PDE4B: variants seen among roughly 807,000 people sequenced by gnomAD.
PDE4B encodes 3',5'-cyclic-AMP phosphodiesterase 4B.
Under a neutral mutation model 82.2 loss-of-function variants are expected in PDE4B, and 20 were observed. The observed-to-expected ratio is 0.24, with a 90% CI of 0.17 to 0.35. The LOEUF (loss-of-function observed/expected upper bound fraction) is 0.35, where lower values mean the gene tolerates loss of function less well. PDE4B is among the 10% of genes least tolerant of loss of function. The pLI is 1.00. For synonymous variants in PDE4B, 320 were observed against 318.9 expected, an observed-to-expected ratio of 1.00 and a Z score of -0.04; for missense variants, 655 against 907.2, an observed-to-expected ratio of 0.72 and a Z score of 3.57.
chr1:65,842,449 A>T lies in PDE4B; in HGVS notation c.-71+49201A>T, dbSNP rs1646218238. ...GTATAATAAAACATGCAAACAACTA[A>T]AACATAGGACAACATATATTGTATC... On this transcript the variant is annotated intron_variant, in intron 1 of 16. Coordinates refer to ENST00000341517, the MANE Select transcript of PDE4B (RefSeq NM_002600.4). 2.6e-5 allele frequency among the ~76,000 whole-genome samples: 4 copies of T among 152,170 alleles called. No homozygotes were observed. In the East Asian group the frequency reaches 7.7e-4, roughly 29 times the overall value.
intron 7 of PDE4B, among the ~76,000 whole-genome samples, chr1:66,298,469 C>CT (rs1385235401): frequency 1.3e-5 from 2 of 152,136 alleles, no homozygotes; most frequent in Non-Finnish European, 2.9e-5. Context: ...TCTTTTACAT[C>CT]TTTAAGTTGA....
At chr1:65,992,791 C>T (rs138542591) in intron 3 of PDE4B, 532 of 1,432,054 alleles carry the variant, frequency 3.7e-4, no homozygotes, top group Non-Finnish European at 4.6e-4. Context: ...GTCACAGCTT[C>T]GTAAATTAAA....
intron 7 of PDE4B, among the ~76,000 whole-genome samples, chr1:66,282,274 T>C (rs1656354914): frequency 6.6e-6 from 1 of 152,226 alleles, no homozygotes. Context: ...GGTGGCAGTG[T>C]CTTCCTCTCT....
intron 1 of PDE4B, among the ~76,000 whole-genome samples, chr1:65,798,037 G>T (rs1035847835): frequency 6.6e-6 from 1 of 150,974 alleles, no homozygotes; most frequent in Non-Finnish European, 1.5e-5. Flanking sequence ...TTTATTTTTT[G>T]AGATGGAGTT....
At chr1:66,183,121 A>T (rs897129197) in intron 3 of PDE4B, among the ~76,000 whole-genome samples, 7 of 152,146 alleles carry the variant, frequency 4.6e-5, no homozygotes, top group African/African-American at 1.4e-4. Context: ...CCAGTTCCCA[A>T]CACCATTTCC....
intron 1 of PDE4B, among the ~76,000 whole-genome samples, chr1:65,876,318 A>G (rs199580875): frequency 6.6e-6 from 1 of 152,244 alleles, no homozygotes; most frequent in East Asian, 1.9e-4. Flanking sequence ...TATTGTCCCT[A>G]AAAAGTTGTC....
rs12565519 is a variant in PDE4B, at chr1:66,041,300, A to G, written c.281+122465A>G. Among the ~76,000 whole-genome samples the G allele has an allele frequency of 8.1e-3, 1,234 of 152,024 alleles. 7 individuals carry two copies. The highest frequency in any genetic ancestry group is 0.013 in the Non-Finnish European group (879 of 67,854). On this transcript the variant is annotated intron_variant, in intron 3 of 16. Transcript: ENST00000341517. ...TACCATCCAGTACTCAAAGATGTGC[A>G]AAAATGTTCCAGCATTTGCTCAATA... is the stretch of plus-strand genomic sequence containing the variant.
intron 3 of PDE4B, among the ~76,000 whole-genome samples, chr1:66,171,544 G>A (rs1350592472): frequency 2.0e-5 from 3 of 152,052 alleles, no homozygotes; most frequent in Admixed American, 1.3e-4. Context: ...ACTCTTTTTG[G>A]AGGTGAAGTG....
At chr1:65,970,775 A>G (rs1199725516) in intron 3 of PDE4B, among the ~76,000 whole-genome samples, 1 of 152,052 alleles carries the variant, frequency 6.6e-6, no homozygotes, top group East Asian at 1.9e-4. Context: ...AGAACATTGC[A>G]TCTATAACAA....
chr1:65,887,652 A>G (rs968387795), intron 1 of PDE4B, among the ~76,000 whole-genome samples: 3 of 151,570 alleles, frequency 2.0e-5, no homozygotes, highest in Middle Eastern at 3.4e-3. Context: ...TTCTGATCTC[A>G]AGCAATCCAC....
intron 3 of PDE4B, among the ~76,000 whole-genome samples, chr1:66,067,744 T>C (rs914719282): frequency 1.3e-4 from 20 of 152,142 alleles, no homozygotes; most frequent in South Asian, 6.2e-4. Context: ...TTTGGTGTTT[T>C]AGACATGAAG....
chr1:66,086,009 A>G (rs947881972), intron 3 of PDE4B, among the ~76,000 whole-genome samples: 11 of 152,130 alleles, frequency 7.2e-5, no homozygotes, highest in Non-Finnish European at 1.6e-4. Flanking sequence ...CTTCAATAAT[A>G]AAATGCTACC....
intron 3 of PDE4B, among the ~76,000 whole-genome samples, chr1:66,202,866 A>C (rs1422384822): frequency 6.6e-6 from 1 of 151,608 alleles, no homozygotes; most frequent in Non-Finnish European, 1.5e-5. Context: ...TAATATTGTT[A>C]TGTGTGAATT....
chr1:66,242,195 G>GTTTTCAAATGAAGCTTCACAT (rs1183167816), intron 3 of PDE4B, among the ~76,000 whole-genome samples: 54 of 152,300 alleles, frequency 3.5e-4, no homozygotes, highest in African/African-American at 1.3e-3. Flanking sequence ...CACCTTAGCA[G>GTTTTCAAATGAAGCTTCACAT]TTTTCAAATG....
chr1:66,361,581 T>G (rs765211336), intron 9 of PDE4B, 34 bp from the exon 10 acceptor site: 9 of 1,563,942 alleles, frequency 5.8e-6, no homozygotes, highest in Non-Finnish European at 7.9e-6. Context: ...CATAGACACA[T>G]GTGCTGAAAA....
At chr1:65,822,626 G>A (rs1019292162) in intron 1 of PDE4B, among the ~76,000 whole-genome samples, 4 of 152,140 alleles carry the variant, frequency 2.6e-5, no homozygotes, top group Non-Finnish European at 4.4e-5. Flanking sequence ...GGGCTCTGCC[G>A]TCATGAATGA....
At chr1:66,240,108 T>C (rs1557653935) in intron 3 of PDE4B, among the ~76,000 whole-genome samples, 1 of 152,228 alleles carries the variant, frequency 6.6e-6, no homozygotes. Context: ...TTCTTCTTTA[T>C]GGAGCTAACT....
chr1:66,021,536 G>A (rs1457440373), intron 3 of PDE4B, among the ~76,000 whole-genome samples: 7 of 152,032 alleles, frequency 4.6e-5, no homozygotes, highest in Non-Finnish European at 8.8e-5. Flanking sequence ...TCTATATATC[G>A]CTAGGCAGTT....
At position 66,075,318 on chromosome 1, in the gene PDE4B, G is replaced by A. The variant is rs144101136; in HGVS notation, c.281+156483G>A. The stretch of plus-strand genomic sequence containing the variant: ...TATGAACATTTTTGTACAAATTTTT[G>A]TTTGAACAGCTGTTTAAAATGCATT... On this transcript the variant is annotated intron_variant, in intron 3 of 16. Transcript: ENST00000341517. Among the ~76,000 whole-genome samples, 404 of 152,034 alleles carry A rather than the reference G, an allele frequency of 2.7e-3. 1 individual carries two copies. The highest frequency in any genetic ancestry group is 4.7e-3 in the Non-Finnish European group (318 of 67,938).
Sources: allele counts gnomAD v4.1 joint callset (sites outside exome capture counted in the v4.1 genomes callset), GRCh38; gene constraint gnomAD v4.1.1; transcripts MANE v1.5; gene names NCBI Gene and HGNC (gene_info 2026-07-23, HGNC 2026-07-21).